The following KSR2 variants were observed in gnomAD, a reference collection of about 807,000 sequenced individuals.
KSR2 encodes kinase suppressor of ras 2.
In KSR2, 25 loss-of-function variants were observed where a neutral mutation model predicts 107.8. The ratio of observed to expected loss-of-function variants is 0.23; its 90% confidence interval spans 0.17 to 0.32. KSR2 has a LOEUF of 0.32. KSR2 is among the 10% of genes least tolerant of loss of function. The pLI, the probability that KSR2 is intolerant of heterozygous loss-of-function variation, is 1.00. For missense variants in KSR2, 887 were observed against 1,268.9 expected, an observed-to-expected ratio of 0.70 and a Z score of 4.57; for synonymous variants, 480 against 507.0, an observed-to-expected ratio of 0.95 and a Z score of 0.71.
chr12:117,763,104 T>C (rs1327972996), intron 3 of KSR2, among the ~76,000 whole-genome samples: 1 of 151,824 alleles, frequency 6.6e-6, no homozygotes, highest in Non-Finnish European at 1.5e-5. Flanking sequence ...TGTGTTCTCA[T>C]TGTTCAATTC....
chr12:117,780,003 T>A (rs1889830507), intron 3 of KSR2, among the ~76,000 whole-genome samples: 2 of 152,168 alleles, frequency 1.3e-5, no homozygotes, highest in Admixed American at 6.5e-5. Flanking sequence ...AGTCTCTCCA[T>A]CCACACAGAA....
chr12:117,687,899 CA>C (rs1291432851), intron 4 of KSR2, among the ~76,000 whole-genome samples: 2 of 152,162 alleles, frequency 1.3e-5, no homozygotes, highest in Non-Finnish European at 2.9e-5. Flanking sequence ...AGCCCAAAGA[CA>C]CCTGGGTCCT....
rs1446347003 is a variant in KSR2, at chr12:117,842,809, T to A, written c.472+12619A>T. On this transcript the variant is annotated intron_variant, in intron 3 of 19. Coordinates refer to ENST00000339824, the MANE Select transcript of KSR2 (RefSeq NM_173598.6). The surrounding 1 kb of genome is among the most constrained non-coding windows in gnomAD (Gnocchi z 4.2). ...GGGGTGGCCTGCAAGAAAGAGAAAGTGGGCTGCAGGGGGACAGGACAGGTG... is the reference window on the plus strand; with the variant it reads ...GGGGTGGCCTGCAAGAAAGAGAAAGAGGGCTGCAGGGGGACAGGACAGGTG... Among the ~76,000 whole-genome samples the A allele has an allele frequency of 6.6e-6, 1 of 151,772 alleles. No homozygotes were observed. The highest frequency in any genetic ancestry group is 6.6e-5 in the Admixed American group (1 of 15,236).
At chr12:117,832,938 G>C (rs1768520676) in intron 3 of KSR2, among the ~76,000 whole-genome samples, 2 of 152,224 alleles carry the variant, frequency 1.3e-5, no homozygotes, top group South Asian at 4.1e-4. Context: ...GGAGAGACCA[G>C]TGGCATGACC....
At chr12:117,826,207 C>G (rs891685121) in intron 3 of KSR2, among the ~76,000 whole-genome samples, 1 of 152,090 alleles carries the variant, frequency 6.6e-6, no homozygotes, top group Non-Finnish European at 1.5e-5. Flanking sequence ...AGGAAAATTA[C>G]CACCTTGACC....
chr12:117,768,286 A>C (rs542962490), intron 3 of KSR2, among the ~76,000 whole-genome samples: 1 of 152,330 alleles, frequency 6.6e-6, no homozygotes, highest in African/African-American at 2.4e-5. Context: ...GCTGAATGCC[A>C]GCTCCTGATC....
chr12:117,641,455 A>G (rs544576752), intron 5 of KSR2, among the ~76,000 whole-genome samples: 1 of 152,168 alleles, frequency 6.6e-6, no homozygotes, highest in Non-Finnish European at 1.5e-5. Flanking sequence ...AGTTTCTGGT[A>G]GCTGTCCTTG....
intron 5 of KSR2, among the ~76,000 whole-genome samples, chr12:117,598,039 G>A (rs1640499598): frequency 6.7e-6 from 1 of 150,136 alleles, no homozygotes; most frequent in African/African-American, 2.5e-5. Context: ...TTGGTTACAT[G>A]GATAAGTTCT....
At chr12:117,732,184 T>C (rs1190793408) in intron 4 of KSR2, among the ~76,000 whole-genome samples, 2 of 152,238 alleles carry the variant, frequency 1.3e-5, no homozygotes, top group Non-Finnish European at 2.9e-5. Flanking sequence ...AAATTGTGCC[T>C]AATTCAGCTG....
chr12:117,610,819 G>A (rs1881555049), intron 5 of KSR2, among the ~76,000 whole-genome samples: 1 of 151,468 alleles, frequency 6.6e-6, no homozygotes, highest in African/African-American at 2.4e-5. Context: ...TAAGTAGGTA[G>A]GTAGGTAGAG....
chr12:117,927,142 G>A (rs1347312761), intron 1 of KSR2, among the ~76,000 whole-genome samples: 1 of 152,156 alleles, frequency 6.6e-6, no homozygotes, highest in Non-Finnish European at 1.5e-5. Context: ...TTGGGAGGCC[G>A]AGGCGGGTGG....
intron 4 of KSR2, among the ~76,000 whole-genome samples, chr12:117,679,266 A>G (rs1464912672): frequency 6.6e-6 from 1 of 152,152 alleles, no homozygotes; most frequent in Non-Finnish European, 1.5e-5. Flanking sequence ...AGCGTTTCCT[A>G]TGGTCCAGGT....
intron 1 of KSR2, among the ~76,000 whole-genome samples, chr12:117,861,769 TGCTG>T (rs1893306275): frequency 6.6e-6 from 1 of 152,190 alleles, no homozygotes; most frequent in African/African-American, 2.4e-5. Context: ...AACTCTTTTG[TGCTG>T]TTTGAACTGT....
chr12:117,767,372 G>C (rs1361502785), intron 3 of KSR2, among the ~76,000 whole-genome samples: 1 of 151,376 alleles, frequency 6.6e-6, no homozygotes, highest in Non-Finnish European at 1.5e-5. Context: ...GGGAGGCGGA[G>C]GTTGCAGTGA....
chr12:117,511,576 G>A (rs540732341), intron 14 of KSR2, among the ~76,000 whole-genome samples: 1 of 152,252 alleles, frequency 6.6e-6, no homozygotes, highest in African/African-American at 2.4e-5. Flanking sequence ...CTAATCCCCA[G>A]CTTTCTCATC....
rs1896578560 is a variant in KSR2 at position 117,958,625 on chromosome 12, A to G, written c.180+9451T>C. 2.0e-5 allele frequency among the ~76,000 whole-genome samples: 3 copies of G among 152,182 alleles called. No individual in the cohort carries two copies. In the South Asian group the frequency reaches 6.2e-4, roughly 31 times the overall value. ...CACTTGAGATGAGGAGTTCAAGACCAGCCTGGCCAACATGGTGAAACTCCA... is the reference window on the plus strand; with the variant it reads ...CACTTGAGATGAGGAGTTCAAGACCGGCCTGGCCAACATGGTGAAACTCCA... On this transcript the variant is annotated intron_variant, in intron 1 of 19. Transcript: ENST00000339824.
intron 14 of KSR2, among the ~76,000 whole-genome samples, chr12:117,498,647 T>C (rs1873186149): frequency 6.6e-6 from 1 of 152,110 alleles, no homozygotes; most frequent in Non-Finnish European, 1.5e-5. Context: ...CATCTTGAAT[T>C]GTAGCTCCCA....
chr12:117,827,319 A>G (rs1370544404), intron 3 of KSR2, among the ~76,000 whole-genome samples: 2 of 152,184 alleles, frequency 1.3e-5, no homozygotes, highest in African/African-American at 4.8e-5. Flanking sequence ...CTCCCTTCCC[A>G]TCTATAAGCT....
chr12:117,619,753 C>T (rs778574870), intron 5 of KSR2, among the ~76,000 whole-genome samples: 1 of 151,616 alleles, frequency 6.6e-6, no homozygotes, highest in Non-Finnish European at 1.5e-5. Context: ...TTAATCATCT[C>T]ATGTGAGCCT....
Sources: allele counts gnomAD v4.1 joint callset (sites outside exome capture counted in the v4.1 genomes callset), GRCh38; gene constraint gnomAD v4.1.1; non-coding constraint Gnocchi (gnomAD v3.1); transcripts MANE v1.5; gene names NCBI Gene and HGNC (gene_info 2026-07-23, HGNC 2026-07-21).